Variants in COL25A1 observed in about 807,000 individuals in gnomAD.
COL25A1 encodes collagen type XXV alpha 1 chain, also known as collagen alpha-1(XXV) chain.
Under a neutral mutation model 128.4 loss-of-function variants are expected in COL25A1, and 103 were observed. The ratio of observed to expected loss-of-function variants is 0.80; its 90% CI spans 0.68 to 0.94. COL25A1 has a LOEUF of 0.94. COL25A1 is among the 40% of genes least tolerant of loss of function. The probability of loss-of-function intolerance (pLI) is 0.00; values close to 1 mark genes in which losing one functional copy is unlikely to be tolerated. For missense variants in COL25A1, 745 were observed against 840.0 expected (o/e 0.89, Z 1.40); for synonymous variants, 279 against 277.2 (o/e 1.01, Z -0.06).
At chr4:109,287,183 C>T (rs1474561709) in intron 3 of COL25A1, among the ~76,000 whole-genome samples, 3 of 152,116 alleles carry the variant, frequency 2.0e-5, no homozygotes, top group Admixed American at 6.5e-5. Context: ...AAATTGGATA[C>T]GGTTTGCTAC....
chr4:109,051,144 T>G (rs1383471096), intron 3 of COL25A1, among the ~76,000 whole-genome samples: 1 of 152,092 alleles, frequency 6.6e-6, no homozygotes, highest in Non-Finnish European at 1.5e-5. Context: ...ACTGCCTGAT[T>G]TTAAAGAATG....
chr4:109,262,239 C>T (rs1008028437), intron 3 of COL25A1, among the ~76,000 whole-genome samples: 8 of 152,030 alleles, frequency 5.3e-5, no homozygotes, highest in East Asian at 1.9e-4. Flanking sequence ...ACAGGCCAGG[C>T]GCAGTGGCTC....
At chr4:109,270,865 G>A (rs546022373) in intron 3 of COL25A1, among the ~76,000 whole-genome samples, 1 of 152,292 alleles carries the variant, frequency 6.6e-6, no homozygotes, top group Admixed American at 6.5e-5. Flanking sequence ...TATCTTGCCA[G>A]CATAATTACT....
At chr4:109,290,735 C>T (rs560647110) in intron 3 of COL25A1, among the ~76,000 whole-genome samples, 2 of 152,054 alleles carry the variant, frequency 1.3e-5, no homozygotes, top group Middle Eastern at 3.4e-3. Flanking sequence ...TTGGACCACA[C>T]ATTAACATTA....
intron 3 of COL25A1, among the ~76,000 whole-genome samples, chr4:109,219,998 G>T (rs75992781): frequency 6.6e-6 from 1 of 151,986 alleles, no homozygotes; most frequent in Non-Finnish European, 1.5e-5. Context: ...TACTTGTTTT[G>T]TAATTAGAAA....
At chr4:109,217,697 T>A (rs894254220) in intron 3 of COL25A1, among the ~76,000 whole-genome samples, 2 of 152,126 alleles carry the variant, frequency 1.3e-5, no homozygotes, top group African/African-American at 4.8e-5. Context: ...GTGGATCACG[T>A]TTGAGTCCCT....
In COL25A1 at chr4:108,971,460, C is replaced by T. The variant is rs963826213; in HGVS notation, c.492+2907G>A. Among the ~76,000 whole-genome samples, 2 of 152,100 alleles carry T rather than the reference C, an allele frequency of 1.3e-5. 1 individual carries two copies. Among genetic ancestry groups the T allele is most frequent in the South Asian group, 4.1e-4 (2 of 4,824 alleles). On this transcript the variant is annotated intron_variant, in intron 8 of 37. Transcript: ENST00000399132. The stretch of plus-strand genomic sequence containing the variant: ...TTCAGATTGAGTAGTTAGAGAAGTT[C>T]TCTCAGAGGAGGTGATATTTGAGAT...
At chr4:109,216,949 A>T (rs949866134) in intron 3 of COL25A1, among the ~76,000 whole-genome samples, 3 of 152,184 alleles carry the variant, frequency 2.0e-5, no homozygotes, top group Non-Finnish European at 4.4e-5. Context: ...TTGTAGAACA[A>T]TGAATAAATG....
intron 3 of COL25A1, among the ~76,000 whole-genome samples, chr4:109,153,637 T>C (rs1771738618): frequency 6.6e-6 from 1 of 152,182 alleles, no homozygotes; most frequent in Non-Finnish European, 1.5e-5. Context: ...AGATACATAA[T>C]ATTTGAATAT....
Position 109,168,425 on chromosome 4 carries a change from A to T in COL25A1, c.368-118246T>A, listed in dbSNP as rs182125617. 8.5e-5 allele frequency among the ~76,000 whole-genome samples: 13 copies of T among 152,320 alleles called. No homozygotes were observed. In the East Asian group the frequency reaches 2.3e-3, roughly 27 times the overall value. ...ATGCAACGACTTTCTCTTGCTTTAG[A>T]GTTTCACCATAAGTTATGATTCTTC... On this transcript the variant is annotated intron_variant, in intron 3 of 37. Transcript: ENST00000399132.
intron 3 of COL25A1, among the ~76,000 whole-genome samples, chr4:109,126,605 C>T (rs930729998): frequency 2.0e-5 from 3 of 152,184 alleles, no homozygotes; most frequent in African/African-American, 7.2e-5. Flanking sequence ...ACAGATACTA[C>T]AAGCTTACAC....
rs567499207 is a variant in COL25A1, at chr4:108,948,949, T to C, written c.493-7512A>G. Among the ~76,000 whole-genome samples, 3 of 152,342 alleles carry C rather than the reference T, an allele frequency of 2.0e-5. No homozygotes were observed. In the East Asian group the frequency reaches 5.8e-4, roughly 29 times the overall value. ...GGCCAAAGGCTCTACTTGTTGTATATGATCTATTAGGGGATTCCAGGCCTT... is the reference window on the plus strand; with the variant it reads ...GGCCAAAGGCTCTACTTGTTGTATACGATCTATTAGGGGATTCCAGGCCTT... On this transcript the variant is annotated intron_variant, in intron 8 of 37. Transcript: ENST00000399132.
chr4:108,859,896 T>C (rs1304383139), intron 23 of COL25A1, among the ~76,000 whole-genome samples, 163 bp from the exon 24 acceptor site: 1 of 152,212 alleles, frequency 6.6e-6, no homozygotes, highest in African/African-American at 2.4e-5. Flanking sequence ...TCAAAATGTA[T>C]CCTTATCTCA....
intron 6 of COL25A1, among the ~76,000 whole-genome samples, chr4:108,980,282 G>A (rs989117302): frequency 6.6e-6 from 1 of 152,188 alleles, no homozygotes; most frequent in Non-Finnish European, 1.5e-5. Context: ...TGCTAGTGGA[G>A]GCACAGGGAG....
At chr4:109,154,354 A>G (rs1017799788) in intron 3 of COL25A1, among the ~76,000 whole-genome samples, 3 of 152,232 alleles carry the variant, frequency 2.0e-5, no homozygotes, top group African/African-American at 7.2e-5. Flanking sequence ...GTTTATGTAC[A>G]GTGTTATCCA....
chr4:109,083,587 C>T (rs1036789331), intron 3 of COL25A1, among the ~76,000 whole-genome samples: 6 of 151,240 alleles, frequency 4.0e-5, no homozygotes, highest in Non-Finnish European at 7.4e-5. Flanking sequence ...CTCAGCCTCC[C>T]GAGTAGCTGG....
chr4:109,293,075 C>T (rs1724624516), intron 3 of COL25A1, among the ~76,000 whole-genome samples: 1 of 151,924 alleles, frequency 6.6e-6, no homozygotes, highest in African/African-American at 2.4e-5. Context: ...TTCATAATTC[C>T]TGGAAGGGTA....
intron 18 of COL25A1, among the ~76,000 whole-genome samples, chr4:108,886,492 G>GTGTGTTTT (rs58157157): frequency 0.054 from 5,848 of 109,138 alleles, 276 homozygotes; most frequent in Middle Eastern, 0.1. Flanking sequence ...GTGTGTGTGT[G>GTGTGTTTT]TTTAGCTCAT....
intron 35 of COL25A1, chr4:108,823,967 T>C (rs540531213): frequency 1.4e-6 from 2 of 1,461,270 alleles, no homozygotes; most frequent in South Asian, 1.5e-5. Context: ...TAATTTTTTC[T>C]TCTATGCCAG....
Sources: allele counts gnomAD v4.1 joint callset (sites outside exome capture counted in the v4.1 genomes callset), GRCh38; gene constraint gnomAD v4.1.1; transcripts MANE v1.5; gene names NCBI Gene and HGNC (gene_info 2026-07-23, HGNC 2026-07-21).